POLR1A: variants seen among roughly 807,000 people sequenced by gnomAD.
POLR1A encodes DNA-directed RNA polymerase I subunit RPA1.
In POLR1A, 84 loss-of-function variants were observed where a neutral mutation model predicts 205.3. The ratio of observed to expected loss-of-function variants is 0.41; its 90% CI spans 0.34 to 0.49. The LOEUF (loss-of-function observed/expected upper bound fraction) is 0.49. POLR1A is among the 20% of genes least tolerant of loss of function. The pLI, the probability that POLR1A is intolerant of heterozygous loss-of-function variation, is 0.22. For missense variants in POLR1A, 1,645 were observed against 2,204.5 expected (o/e 0.75, Z 5.08); for synonymous variants, 799 against 863.7 (o/e 0.93, Z 1.31).
chr2:86,036,753 C>T (rs1672504843), intron 27 of POLR1A, among the ~76,000 whole-genome samples: 1 of 152,214 alleles, frequency 6.6e-6, no homozygotes, highest in Non-Finnish European at 1.5e-5. Flanking sequence ...CTTGAGGCCA[C>T]CTCCACCAAA....
intron 3 of POLR1A, among the ~76,000 whole-genome samples, chr2:86,095,044 A>C (rs1673680024): frequency 1.3e-5 from 2 of 152,040 alleles, no homozygotes; most frequent in African/African-American, 4.8e-5. Flanking sequence ...ACCCTATTCG[A>C]GCTCTGGTAT....
chr2:86,067,125 A>G (rs574630740), intron 13 of POLR1A, among the ~76,000 whole-genome samples: 57 of 152,336 alleles, frequency 3.7e-4, no homozygotes, highest in African/African-American at 1.3e-3. Flanking sequence ...TTTCAATGCA[A>G]TCATCACAAA....
intron 13 of POLR1A, among the ~76,000 whole-genome samples, chr2:86,067,171 AG>A (rs1256429848): frequency 1.3e-5 from 2 of 152,236 alleles, no homozygotes; most frequent in Non-Finnish European, 2.9e-5. Flanking sequence ...CAATTACTAA[AG>A]GTCTACTTAT....
At position 86,030,241 on chromosome 2, in the gene POLR1A, T is replaced by C. The variant is rs1477966056; in HGVS notation, c.4734A>G (p.Leu1578=). 6.2e-7 allele frequency: 1 copy of C among 1,614,262 alleles called. No homozygotes were observed. The highest frequency in any genetic ancestry group is 1.7e-5 in the Admixed American group (1 of 60,036). Residue 1578 remains leucine (L), a synonymous_variant, in exon 31 of 34, where the codon CTA becomes CTG. Coordinates refer to ENST00000263857, the MANE Select transcript of POLR1A (RefSeq NM_015425.6). ...TNNKNEKELV[L]NTEGINLPEL... Reference sequence around the variant, plus strand: ...CTGGGAGGTTGATTCCTTCTGTGTTTAGCACAAGCTCCTTCTCGTTCTTAT... The same window carrying C: ...CTGGGAGGTTGATTCCTTCTGTGTTCAGCACAAGCTCCTTCTCGTTCTTAT...
chr2:86,035,263 G>GT (rs1672474950), intron 27 of POLR1A, among the ~76,000 whole-genome samples: 1 of 152,238 alleles, frequency 6.6e-6, no homozygotes, highest in Non-Finnish European at 1.5e-5. Flanking sequence ...AGAAGAGCTT[G>GT]TTTACCAGGC....
chr2:86,100,535 CTTTTTT>C (rs568031636), intron 1 of POLR1A, among the ~76,000 whole-genome samples: 1 of 137,630 alleles, frequency 7.3e-6, no homozygotes, highest in Non-Finnish European at 1.6e-5. Flanking sequence ...ATTATTCTGT[CTTTTTT>C]TTTTTTTTTT....
intron 2 of POLR1A, among the ~76,000 whole-genome samples, chr2:86,099,356 T>TA (rs1183556765): frequency 0.045 from 5,744 of 128,222 alleles, 240 homozygotes; most frequent in African/African-American, 0.12. Flanking sequence ...GACACTGTCT[T>TA]AAAAAAAAAA....
chr2:86,034,642 T>C (rs755505618), intron 27 of POLR1A, among the ~76,000 whole-genome samples: 1 of 152,132 alleles, frequency 6.6e-6, no homozygotes, highest in African/African-American at 2.4e-5. Flanking sequence ...TGCTTGTGAC[T>C]GTGAGAATCG....
Position 86,045,377 on chromosome 2 carries a change from C to T in POLR1A, c.2887-17G>A, listed in dbSNP as rs1268013840. 6.2e-7 allele frequency: 1 copy of T among 1,600,800 alleles called. No homozygotes were observed. Among genetic ancestry groups the T allele is most frequent in the Non-Finnish European group, 8.6e-7 (1 of 1,168,092 alleles). On this transcript the variant is annotated splice_polypyrimidine_tract_variant and intron_variant, in intron 20 of 33. Coordinates refer to ENST00000263857, the MANE Select transcript of POLR1A (RefSeq NM_015425.6). ...GAAGAACTCCTGCAGAGAATGGGAC[C>T]CAGGTCCCAAAGGTGACAGTGAGGA...
chr2:86,087,959 CTATT>C (rs1311470710), intron 6 of POLR1A, among the ~76,000 whole-genome samples: 8 of 152,208 alleles, frequency 5.3e-5, no homozygotes, highest in Admixed American at 1.3e-4. Context: ...TTGGAATACT[CTATT>C]TAATCTTCTG....
intron 1 of POLR1A, among the ~76,000 whole-genome samples, chr2:86,104,164 A>G (rs1344466182): frequency 6.6e-6 from 1 of 152,174 alleles, no homozygotes; most frequent in Non-Finnish European, 1.5e-5. Context: ...AATAATTTTG[A>G]CAGCAGTGTG....
intron 15 of POLR1A, among the ~76,000 whole-genome samples, chr2:86,053,847 T>C (rs1397802347): frequency 6.6e-6 from 1 of 152,206 alleles, no homozygotes; most frequent in African/African-American, 2.4e-5. Context: ...CACTCAGCAG[T>C]CTTGCAGGAA....
intron 27 of POLR1A, 42 bp downstream of exon 27, chr2:86,038,658 C>A: frequency 1.2e-6 from 2 of 1,600,674 alleles, no homozygotes; most frequent in Non-Finnish European, 1.7e-6. Context: ...CAAGCGCATT[C>A]TCTGGGTCAA....
rs199514015 is a variant in POLR1A, at chr2:86,101,748, AC to A, written c.78-1577del. On this transcript the variant is annotated intron_variant, in intron 1 of 33. Transcript: ENST00000263857. ...ACCATCACCACTCTCCATCTGCAGA[AC>A]CCTTTTTCATCTTGTAAAATTGAAA... is the stretch of plus-strand genomic sequence containing the variant. 4.3e-4 allele frequency among the ~76,000 whole-genome samples: 65 copies of A among 152,294 alleles called. No homozygotes were observed. The East Asian group carries it at 0.011, about 26-fold the overall frequency.
At chr2:86,056,674 T>C (rs1011896834) in intron 14 of POLR1A, among the ~76,000 whole-genome samples, 2 of 152,158 alleles carry the variant, frequency 1.3e-5, no homozygotes, top group South Asian at 4.1e-4. Flanking sequence ...AGCTGGTGAC[T>C]TTAAGTTGAA....
At chr2:86,052,073 T>G (rs965458185) in intron 16 of POLR1A, among the ~76,000 whole-genome samples, 1 of 152,098 alleles carries the variant, frequency 6.6e-6, no homozygotes, top group African/African-American at 2.4e-5. Context: ...GCCTCCTGAG[T>G]AGCTGGGATT....
rs1053523735 is a variant in POLR1A at position 86,030,181 on chromosome 2, G to C, written c.4779+15C>G. Reference sequence around the variant, plus strand: ...ACTAATGCTTTGTCCCAGGCCAGCAGACAGCCTGTCTTACCTCTGCATACT... The same window carrying C: ...ACTAATGCTTTGTCCCAGGCCAGCACACAGCCTGTCTTACCTCTGCATACT... On this transcript the variant is annotated intron_variant, in intron 31 of 33. Transcript: ENST00000263857. The C allele has an allele frequency of 6.2e-7, 1 of 1,608,654 alleles. No individual in the cohort carries two copies. The highest frequency in any genetic ancestry group is 2.2e-5 in the East Asian group (1 of 44,868).
chr2:86,053,203 G>A (rs1414472583), intron 15 of POLR1A, among the ~76,000 whole-genome samples: 2 of 152,044 alleles, frequency 1.3e-5, no homozygotes, highest in African/African-American at 4.8e-5. Context: ...ATATAACAGA[G>A]GCAAGCATAT....
chr2:86,054,141 T>A lies in POLR1A; in HGVS notation c.2207A>T (p.Gln736Leu). Residue 736 changes from glutamine to leucine, a missense_variant and splice_region_variant, in exon 15 of 34, where the codon CAG becomes CTG. Coordinates refer to ENST00000263857, the MANE Select transcript of POLR1A (RefSeq NM_015425.6). ...CTCCACACAGCTGGACAGCCATACC[T>A]GGGACTCGCACATCGAGTCAGGGTT... ...GFNPDSMCES[Q>L]VIIREGELLC... 1 of 1,613,690 alleles carries A rather than the reference T, an allele frequency of 6.2e-7. No individual in the cohort carries two copies. The highest frequency in any genetic ancestry group is 8.5e-7 in the Non-Finnish European group (1 of 1,179,608).
Sources: allele counts gnomAD v4.1 joint callset (sites outside exome capture counted in the v4.1 genomes callset), GRCh38; gene constraint gnomAD v4.1.1; transcripts MANE v1.5; gene names NCBI Gene and HGNC (gene_info 2026-07-23, HGNC 2026-07-21).